Variants in KIAA1549 observed in about 807,000 individuals in gnomAD.
The protein encoded by KIAA1549 is KIAA1549, also known as UPF0606 protein KIAA1549.
KIAA1549 carries 70 observed loss-of-function variants against 156.4 expected under a neutral mutation model. The observed-to-expected ratio is 0.45, with a 90% confidence interval of 0.37 to 0.55. The LOEUF (loss-of-function observed/expected upper bound fraction) is 0.55, where lower values mean the gene tolerates loss of function less well. Ranked by LOEUF, KIAA1549 falls within the 20% of genes least tolerant of loss-of-function variation. KIAA1549 has a pLI of 0.00. For missense variants in KIAA1549, 2,428 were observed against 2,540.9 expected (o/e 0.96, Z 0.96); for synonymous variants, 1,103 against 1,066.4 (o/e 1.03, Z -0.67).
At chr7:138,839,743 C>CA (rs1809849789) in intron 19 of KIAA1549, among the ~76,000 whole-genome samples, 1 of 151,102 alleles carries the variant, frequency 6.6e-6, no homozygotes, top group Admixed American at 6.6e-5. Flanking sequence ...AGGGACCCCC[C>CA]CCAAAGCAGA....
chr7:138,917,318 C>G lies in KIAA1549; in HGVS notation c.2308G>C (p.Val770Leu), dbSNP rs1028455448. ...TCAAAAGACTCAGAGCCGGGGGGCA[C>G]CAGTGCAGTGACTGCGGATTCATGG... is the stretch of plus-strand genomic sequence containing the variant. ...ISHESAVTALVPPGSESFDIL... is the reference protein window; with the variant it reads ...ISHESAVTALLPPGSESFDIL... Residue 770 changes from valine (V) to leucine (L), a missense_variant, in exon 2 of 20, where the codon GTG becomes CTG. Physicochemically the swap from Val to Leu is conservative, Grantham distance 32. Around this residue, in one of 5 missense-constraint regions of KIAA1549, gnomAD observed 762 missense variants for 901.6 expected, o/e 0.85. Coordinates refer to ENST00000422774, the MANE Select transcript of KIAA1549 (RefSeq NM_001164665.2). The G allele has an allele frequency of 1.9e-6, 3 of 1,613,714 alleles. No homozygotes were observed. Among genetic ancestry groups the G allele is most frequent in the Admixed American group, 1.7e-5 (1 of 59,976 alleles).
intron 16 of KIAA1549, among the ~76,000 whole-genome samples, chr7:138,858,180 G>A (rs749408186): frequency 2.6e-5 from 4 of 151,890 alleles, no homozygotes; most frequent in Non-Finnish European, 5.9e-5. Flanking sequence ...GAGTGCAGTG[G>A]TGCAATCATG....
chr7:138,907,922 G>A (rs1812056134), intron 5 of KIAA1549, among the ~76,000 whole-genome samples: 1 of 152,186 alleles, frequency 6.6e-6, no homozygotes, highest in Non-Finnish European at 1.5e-5. Flanking sequence ...CCCCTAGGAA[G>A]AACCTCTTTA....
intron 1 of KIAA1549, among the ~76,000 whole-genome samples, chr7:138,924,195 C>T (rs55679706): frequency 0.27 from 35,553 of 132,418 alleles, 5,717 homozygotes; most frequent in African/African-American, 0.48. Context: ...TTTTTTTTTT[C>T]TTTTTTTTTT....
At chr7:138,930,240 T>C (rs1812833190) in intron 1 of KIAA1549, among the ~76,000 whole-genome samples, 4 of 152,248 alleles carry the variant, frequency 2.6e-5, no homozygotes, top group Admixed American at 2.6e-4. Flanking sequence ...TCATCTAGGC[T>C]GTGTTGTTTC....
chr7:138,963,076 T>A (rs111923397), intron 1 of KIAA1549, among the ~76,000 whole-genome samples: 1 of 152,312 alleles, frequency 6.6e-6, no homozygotes, highest in African/African-American at 2.4e-5. Context: ...TATCCCAACA[T>A]CCAGCACGGT....
chr7:138,970,770 T>G (rs1160067234), intron 1 of KIAA1549, among the ~76,000 whole-genome samples: 2 of 152,210 alleles, frequency 1.3e-5, no homozygotes, highest in African/African-American at 4.8e-5. Flanking sequence ...CAAGTTCCCC[T>G]GGAAGCTGGC....
At chr7:138,980,004 T>C (rs1380992585) in intron 1 of KIAA1549, among the ~76,000 whole-genome samples, 2 of 152,220 alleles carry the variant, frequency 1.3e-5, no homozygotes, top group Non-Finnish European at 2.9e-5. Flanking sequence ...TCTAGGGCAC[T>C]GGTTATAATT....
At chr7:138,883,539 A>C (rs1486831919) in intron 10 of KIAA1549, among the ~76,000 whole-genome samples, 1 of 151,604 alleles carries the variant, frequency 6.6e-6, no homozygotes, top group Admixed American at 6.6e-5. Flanking sequence ...CTGGTCTCAA[A>C]CTCCTGGTCT....
intron 1 of KIAA1549, among the ~76,000 whole-genome samples, chr7:138,963,199 A>G (rs2774976): frequency 0.29 from 43,863 of 152,194 alleles, 7,382 homozygotes; most frequent in African/African-American, 0.48. Context: ...TGGCACTGGC[A>G]AACCCAAAAC....
At chr7:138,886,501 T>C (rs1324650789) in intron 10 of KIAA1549, among the ~76,000 whole-genome samples, 1 of 152,164 alleles carries the variant, frequency 6.6e-6, no homozygotes, top group African/African-American at 2.4e-5. Context: ...GATCTGGAAC[T>C]GCAGGGCTCA....
intron 1 of KIAA1549, among the ~76,000 whole-genome samples, chr7:138,939,412 CT>C (rs1225908944): frequency 1.1e-4 from 16 of 152,134 alleles, no homozygotes; most frequent in African/African-American, 3.6e-4. Context: ...TAACAGTTTT[CT>C]CCTCTTTTTT....
chr7:138,973,278 A>G (rs1426319093), intron 1 of KIAA1549, among the ~76,000 whole-genome samples: 1 of 152,242 alleles, frequency 6.6e-6, no homozygotes, highest in Non-Finnish European at 1.5e-5. Flanking sequence ...CTTGTGGAAC[A>G]TTTCAAAAAT....
At chr7:138,897,558 C>T (rs1029866104) in intron 9 of KIAA1549, among the ~76,000 whole-genome samples, 1 of 152,118 alleles carries the variant, frequency 6.6e-6, no homozygotes, top group African/African-American at 2.4e-5. Context: ...GCAAGTTTCA[C>T]CATTCTCTTA....
intron 1 of KIAA1549, among the ~76,000 whole-genome samples, chr7:138,961,936 G>A (rs771528725): frequency 6.6e-5 from 10 of 151,418 alleles, no homozygotes; most frequent in Non-Finnish European, 1.3e-4. Flanking sequence ...TTCCTCAATA[G>A]CATCATCCTC....
rs1812159928 is a variant in KIAA1549, at chr7:138,911,156, T to C, written c.3135A>G (p.Gln1045=). 1.9e-6 allele frequency: 3 copies of C among 1,587,632 alleles called. No individual in the cohort carries two copies. The highest frequency in any genetic ancestry group is 2.4e-5 in the South Asian group (2 of 84,806). ...GCTGAGCTGTCTCACCTGTTTGAAC[T>C]TGGAACCTGGACTCTGGCACAAGGA... ...PSFLVPESRF[Q]VQTVLQFVPP... The change falls in exon 4 of 20, where the codon CAA becomes CAG. Residue 1045 remains glutamine (Q), a synonymous_variant. Transcript: ENST00000422774.
intron 18 of KIAA1549, among the ~76,000 whole-genome samples, chr7:138,842,291 G>C (rs1261851926): frequency 1.8e-4 from 27 of 152,292 alleles, no homozygotes; most frequent in Admixed American, 1.8e-3. Flanking sequence ...CCAGCAAGCC[G>C]GGGTTTGCAT....
chr7:138,919,340 C>T lies in KIAA1549; in HGVS notation c.286G>A (p.Glu96Lys). ...CTGTGCTGGGAGCCGGGAGCAGTTT[C>T]TGTTAAGGCCACTTGTGCAGCGCTG... The part of the protein sequence containing the change: ...GHSAAQVALT[E>K]TAPGSQHSSP... The change falls in exon 2 of 20, where the codon GAA (glutamate) becomes AAA (lysine). Residue 96 changes from glutamate (E) to lysine (K), a missense_variant. Glu to Lys is a moderately conservative substitution (Grantham distance 56, BLOSUM62 1). Coordinates refer to ENST00000422774, the MANE Select transcript of KIAA1549 (RefSeq NM_001164665.2). 6.2e-7 allele frequency: 1 copy of T among 1,614,020 alleles called. No homozygotes were observed. The highest frequency in any genetic ancestry group is 2.2e-5 in the East Asian group (1 of 44,882).
intron 12 of KIAA1549, among the ~76,000 whole-genome samples, chr7:138,872,226 C>A (rs925902723): frequency 2.6e-5 from 4 of 152,066 alleles, no homozygotes; most frequent in African/African-American, 9.7e-5. Flanking sequence ...GGATTACAGG[C>A]AGGAGCCACC....
Sources: allele counts gnomAD v4.1 joint callset (sites outside exome capture counted in the v4.1 genomes callset), GRCh38; gene constraint gnomAD v4.1.1; regional missense constraint gnomAD v4.1.1; transcripts MANE v1.5; gene names NCBI Gene and HGNC (gene_info 2026-07-23, HGNC 2026-07-21).